Variants in PRKN observed in about 807,000 individuals in gnomAD.
PRKN encodes the protein E3 ubiquitin-protein ligase parkin.
PRKN carries 56 observed loss-of-function variants against 59.5 expected under a neutral mutation model. That is an observed-to-expected ratio of 0.94 (90% confidence interval 0.76 to 1.18). The LOEUF is 1.18. Ranked by LOEUF, PRKN falls within the 50% of genes most tolerant of loss-of-function variation. The pLI, the probability that PRKN is intolerant of heterozygous loss-of-function variation, is 0.00. For missense variants in PRKN, 657 were observed against 596.4 expected (o/e 1.10, Z -1.06); for synonymous variants, 250 against 222.1 (o/e 1.13, Z -1.12).
At chr6:162,073,198 G>A (rs1778657290) in intron 4 of PRKN, among the ~76,000 whole-genome samples, 1 of 152,308 alleles carries the variant, frequency 6.6e-6, no homozygotes, top group Middle Eastern at 3.4e-3. Context: ...TCTGATAGGA[G>A]AGAGAATTGT....
At chr6:161,870,985 C>T (rs6920214) in intron 6 of PRKN, among the ~76,000 whole-genome samples, 3,315 of 151,446 alleles carry the variant, frequency 0.022, 116 homozygotes, top group African/African-American at 0.077. Context: ...TAATCATCTA[C>T]TCTTCAGAGT....
intron 1 of PRKN, among the ~76,000 whole-genome samples, chr6:162,564,950 A>G (rs1451926617): frequency 2.0e-5 from 3 of 152,174 alleles, no homozygotes; most frequent in African/African-American, 7.2e-5. Flanking sequence ...AGTACACAGG[A>G]AAACCTAGAA....
In PRKN at chr6:161,813,846, T is replaced by C. The variant is rs143777263; in HGVS notation, c.735-27938A>G. Among the ~76,000 whole-genome samples, 420 of 152,332 alleles carry C rather than the reference T, an allele frequency of 2.8e-3. 1 individual carries two copies. Among genetic ancestry groups the C allele is most frequent in the Non-Finnish European group, 5.3e-3 (358 of 68,036 alleles). The stretch of plus-strand genomic sequence containing the variant: ...ACTTACTTCTGAAAGACTGGGGTGC[T>C]GATGGAGCTGGCAGTTTCTGGGTTC... On this transcript the variant is annotated intron_variant, in intron 6 of 11. Coordinates refer to ENST00000366898, the MANE Select transcript of PRKN (RefSeq NM_004562.3).
chr6:161,677,809 T>C (rs1479857756), intron 7 of PRKN, among the ~76,000 whole-genome samples: 1 of 152,180 alleles, frequency 6.6e-6, no homozygotes, highest in African/African-American at 2.4e-5. Flanking sequence ...CTTGAATCAG[T>C]GTTTCTAAAA....
chr6:161,441,544 C>A (rs1789225649), intron 9 of PRKN, among the ~76,000 whole-genome samples: 1 of 150,916 alleles, frequency 6.6e-6, no homozygotes, highest in African/African-American at 2.4e-5. Flanking sequence ...ACTCGGGAGG[C>A]CAAGGCAGGA....
At chr6:162,297,105 C>G (rs1286172389) in intron 2 of PRKN, among the ~76,000 whole-genome samples, 1 of 151,782 alleles carries the variant, frequency 6.6e-6, no homozygotes, top group African/African-American at 2.4e-5. Context: ...CAAGCCATAG[C>G]TTAATCCTAC....
intron 1 of PRKN, among the ~76,000 whole-genome samples, chr6:162,553,603 A>G (rs1218069399): frequency 6.6e-6 from 1 of 151,294 alleles, no homozygotes. Context: ...AGACCACCAC[A>G]GTCATTTAAA....
intron 2 of PRKN, among the ~76,000 whole-genome samples, chr6:162,322,351 C>T (rs1307521241): frequency 6.6e-6 from 1 of 152,022 alleles, no homozygotes; most frequent in Non-Finnish European, 1.5e-5. Flanking sequence ...GAAGACGTAA[C>T]ATTATTAAAA....
intron 1 of PRKN, among the ~76,000 whole-genome samples, chr6:162,501,517 T>TTA (rs540848889): frequency 1.4e-4 from 10 of 70,126 alleles, no homozygotes; most frequent in Non-Finnish European, 2.3e-4. Context: ...CTGGTTAATT[T>TTA]TTTTTTTTTT....
At chr6:162,291,865 T>C (rs1050648376) in intron 2 of PRKN, among the ~76,000 whole-genome samples, 1 of 152,096 alleles carries the variant, frequency 6.6e-6, no homozygotes, top group African/African-American at 2.4e-5. Flanking sequence ...CAAGATGTTC[T>C]AATATAGAGC....
intron 7 of PRKN, among the ~76,000 whole-genome samples, chr6:161,779,843 G>A (rs141206757): frequency 6.6e-6 from 1 of 152,220 alleles, no homozygotes; most frequent in East Asian, 1.9e-4. Context: ...ACCAAGAAGA[G>A]AGATCACCAG....
intron 2 of PRKN, among the ~76,000 whole-genome samples, chr6:162,433,040 T>C (rs965095041): frequency 9.8e-5 from 15 of 152,338 alleles, no homozygotes; most frequent in African/African-American, 2.9e-4. Context: ...AATAGGCAAT[T>C]TGGCATGGGG....
At chr6:162,201,913 A>T (rs1784747320) in intron 3 of PRKN, among the ~76,000 whole-genome samples, 2 of 152,198 alleles carry the variant, frequency 1.3e-5, no homozygotes, top group Non-Finnish European at 2.9e-5. Context: ...GTGAACAAAC[A>T]ACTAATTCAA....
intron 6 of PRKN, among the ~76,000 whole-genome samples, chr6:161,851,783 C>T (rs915595057): frequency 2.0e-5 from 3 of 149,130 alleles, no homozygotes; most frequent in Non-Finnish European, 3.0e-5. Flanking sequence ...GCCCAAATAA[C>T]GTGTTTTTAA....
chr6:161,653,158 C>G (rs557151899), intron 7 of PRKN, among the ~76,000 whole-genome samples: 6 of 151,936 alleles, frequency 3.9e-5, no homozygotes, highest in African/African-American at 1.5e-4. Flanking sequence ...GGTCAAAGAT[C>G]GAGACCATCC....
chr6:162,559,887 G>T (rs1447181355), intron 1 of PRKN, among the ~76,000 whole-genome samples: 1 of 152,186 alleles, frequency 6.6e-6, no homozygotes, highest in Non-Finnish European at 1.5e-5. Context: ...GAATGAAAAT[G>T]ATGTCTCTAA....
chr6:161,485,994 T>A (rs542727332), intron 9 of PRKN, among the ~76,000 whole-genome samples: 11 of 152,216 alleles, frequency 7.2e-5, no homozygotes, highest in Non-Finnish European at 1.5e-4. Flanking sequence ...AGTTCTAAGG[T>A]CCCTTAAGAT....
At chr6:162,203,707 C>T (rs974551189) in intron 3 of PRKN, among the ~76,000 whole-genome samples, 4 of 152,144 alleles carry the variant, frequency 2.6e-5, no homozygotes, top group African/African-American at 9.7e-5. Flanking sequence ...ACCTGAGAAA[C>T]CTTTCTTGTG....
chr6:162,638,837 C>T (rs1048689864), intron 1 of PRKN, among the ~76,000 whole-genome samples: 2 of 148,060 alleles, frequency 1.4e-5, no homozygotes, highest in African/African-American at 2.5e-5. Flanking sequence ...CTCTGCCTCC[C>T]GGGTTCAAGC....
Sources: gnomAD v4.1 joint callset for allele counts (sites outside exome capture counted in the v4.1 genomes callset) on GRCh38, gnomAD v4.1.1 for gene constraint, MANE v1.5 for transcripts, NCBI Gene and HGNC (gene_info 2026-07-23, HGNC 2026-07-21) for gene names.